Variants in TCF25 observed in about 807,000 individuals in gnomAD.
TCF25 encodes the protein ribosome quality control complex subunit TCF25.
Under a neutral mutation model 83.1 loss-of-function variants are expected in TCF25, and 41 were observed. The ratio of observed to expected loss-of-function variants is 0.49; its 90% CI spans 0.38 to 0.64. The LOEUF is 0.64. Ranked by LOEUF, TCF25 falls within the 30% of genes least tolerant of loss-of-function variation. TCF25 has a pLI of 0.00. For synonymous variants in TCF25, 458 were observed against 365.0 expected (o/e 1.25, Z -2.90); for missense variants, 979 against 914.5 (o/e 1.07, Z -0.91).
At chr16:89,907,904 A>C (rs1238981510) in intron 16 of TCF25, among the ~76,000 whole-genome samples, 6 of 28,918 alleles carry the variant, frequency 2.1e-4, no homozygotes, top group South Asian at 1.2e-3. Flanking sequence ...CCCGCCTCCC[A>C]CCTCCCAGCT....
At chr16:89,900,229 G>A (rs115664215) in intron 11 of TCF25, among the ~76,000 whole-genome samples, 4 of 150,724 alleles carry the variant, frequency 2.7e-5, no homozygotes, top group Non-Finnish European at 4.5e-5. Flanking sequence ...GGAAACTCGC[G>A]TGGCGGGCTG....
intron 5 of TCF25, among the ~76,000 whole-genome samples, chr16:89,891,498 C>A (rs1424288628): frequency 6.6e-6 from 1 of 152,214 alleles, no homozygotes; most frequent in Non-Finnish European, 1.5e-5. Flanking sequence ...TCTGTGCTGC[C>A]GCGGCTGCCA....
Position 89,884,564 on chromosome 16 carries a change from A to T in TCF25, c.355-18A>T. 6.2e-7 allele frequency: 1 copy of T among 1,611,738 alleles called. No homozygotes were observed. The highest frequency in any genetic ancestry group is 8.5e-7 in the Non-Finnish European group (1 of 1,178,540). On this transcript the variant is annotated intron_variant, in intron 2 of 17. Transcript: ENST00000263346. The stretch of plus-strand genomic sequence containing the variant: ...TTTACTTCTCATTCTACTGATGAAA[A>T]TGTGTTTCTATCATTAGTCTCATGC...
At chr16:89,885,165 A>G (rs2042912886) in intron 3 of TCF25, among the ~76,000 whole-genome samples, 1 of 152,046 alleles carries the variant, frequency 6.6e-6, no homozygotes, top group Non-Finnish European at 1.5e-5. Context: ...GGTGGTGTTG[A>G]AAGAAGCTTA....
chr16:89,878,327 G>C, intron 1 of TCF25: 1 of 752,928 alleles, frequency 1.3e-6, no homozygotes, highest in Non-Finnish European at 1.7e-6. Flanking sequence ...GGCTCATGCC[G>C]GTAATCCCAG....
intron 12 of TCF25, among the ~76,000 whole-genome samples, chr16:89,903,717 G>C (rs1006301924): frequency 6.6e-6 from 1 of 152,192 alleles, no homozygotes; most frequent in East Asian, 1.9e-4. Flanking sequence ...TGAGGCAGGA[G>C]AATCGCTTGA....
chr16:89,904,358 C>T (rs922853394), intron 13 of TCF25, 153 bp downstream of exon 13: 20 of 819,352 alleles, frequency 2.4e-5, no homozygotes, highest in African/African-American at 1.4e-4. Context: ...TGACATGGGA[C>T]GGCTCTGGAG....
rs918569474 is a variant in TCF25, at chr16:89,889,552, C to T, written c.614+1835C>T. 179 of 143,452 alleles carry T rather than the reference C, an allele frequency of 1.2e-3. 3 individuals carry two copies. Among genetic ancestry groups the T allele is most frequent in the Non-Finnish European group, 3.2e-4 (21 of 66,338 alleles). The allele number at this position is 143,452 out of a possible 1,614,324, so 8.9% of individuals were successfully genotyped here. On this transcript the variant is annotated intron_variant, in intron 5 of 17. Coordinates refer to ENST00000263346, the MANE Select transcript of TCF25 (RefSeq NM_014972.3). ...TGCCCTGGGTTTGCACGTCTGAGTT[C>T]TTTTTTTTTTTTTTCGAGACAGAAT...
intron 5 of TCF25, among the ~76,000 whole-genome samples, chr16:89,891,204 G>C (rs1199570770): frequency 1.3e-5 from 2 of 152,224 alleles, no homozygotes; most frequent in African/African-American, 4.8e-5. Context: ...TGTTCTGGAG[G>C]CTTCCTTACT....
At chr16:89,876,636 C>G (rs990717778) in intron 1 of TCF25, among the ~76,000 whole-genome samples, 2 of 150,612 alleles carry the variant, frequency 1.3e-5, no homozygotes, top group South Asian at 2.1e-4. Context: ...ACTAAGAATA[C>G]AAAAATTGGG....
chr16:89,883,809 C>G (rs2042780521), intron 2 of TCF25: 1 of 301,136 alleles, frequency 3.3e-6, no homozygotes, highest in Non-Finnish European at 6.1e-6. Context: ...CCTAGCCGAC[C>G]GCGCACGTGT....
intron 14 of TCF25, 154 bp from the exon 15 acceptor site, chr16:89,906,040 C>CCT (rs908191251): frequency 1.3e-5 from 9 of 675,010 alleles, no homozygotes; most frequent in Middle Eastern, 4.0e-4. Flanking sequence ...AGCCATGGTG[C>CCT]CTCTGCTCGA....
intron 1 of TCF25, among the ~76,000 whole-genome samples, chr16:89,877,328 C>G (rs1218009985): frequency 6.6e-6 from 1 of 152,022 alleles, no homozygotes; most frequent in African/African-American, 2.4e-5. Flanking sequence ...CTCAGCCTCC[C>G]AAGTAGGTGG....
Position 89,884,755 on chromosome 16 carries a change from TCTGACGCCCTCTCCCTCTGC to T in TCF25, c.429+159_429+178del, listed in dbSNP as rs1567701995. 374 of 812,390 alleles carry T rather than the reference TCTGACGCCCTCTCCCTCTGC, an allele frequency of 4.6e-4. 4 individuals carry two copies. The highest frequency in any genetic ancestry group is 1.7e-3 in the Middle Eastern group (6 of 3,436). 50.3% of individuals were successfully genotyped at this position (812,390 alleles called of 1,614,324 possible). On this transcript the variant is annotated intron_variant, in intron 3 of 17. Transcript: ENST00000263346. Reference sequence around the variant, plus strand: ...CTCTGCCTGACGCCCTCTCCCTCTGTCTGACGCCCTCTCCCTCTGCCTGACGCCCTCTCCCTCTGCCTGAC... The same window carrying T: ...CTCTGCCTGACGCCCTCTCCCTCTGTCTGACGCCCTCTCCCTCTGCCTGAC...
At chr16:89,898,962 C>T (rs2044106889) in intron 11 of TCF25, 90 bp downstream of exon 11, 6 of 1,269,564 alleles carry the variant, frequency 4.7e-6, no homozygotes, top group East Asian at 2.5e-5. Context: ...GCTCAGGGGA[C>T]GTTTGGGGAT....
Position 89,884,595 on chromosome 16 carries a change from G to A in TCF25, c.368G>A (p.Gly123Asp). Reference protein sequence around the residue: ...TVPSEQSHASGKLRKKKKKQK... With the variant: ...TVPSEQSHASDKLRKKKKKQK... ...TTCTATCATTAGTCTCATGCAAGTG[G>A]CAAACTCCGGAAGAAGAAAAAAAAA... Residue 123 changes from glycine to aspartate, a missense_variant, in exon 3 of 18, where the codon GGC becomes GAC. Transcript: ENST00000263346. 1 of 1,613,562 alleles carries A rather than the reference G, an allele frequency of 6.2e-7. No individual in the cohort carries two copies. The highest frequency in any genetic ancestry group is 8.5e-7 in the Non-Finnish European group (1 of 1,179,710).
intron 1 of TCF25, among the ~76,000 whole-genome samples, chr16:89,877,654 A>T: frequency 6.6e-6 from 1 of 152,216 alleles, no homozygotes; most frequent in Non-Finnish European, 1.5e-5. Flanking sequence ...AGGGGAATGC[A>T]CAGAATAGAG....
intron 3 of TCF25, among the ~76,000 whole-genome samples, chr16:89,885,022 G>GC (rs1265908918): frequency 9.2e-6 from 1 of 108,244 alleles, no homozygotes. Flanking sequence ...TCTGCCTGAC[G>GC]CCCTCTCCCT....
At chr16:89,888,645 AG>A (rs1355352408) in intron 5 of TCF25, among the ~76,000 whole-genome samples, 1 of 149,052 alleles carries the variant, frequency 6.7e-6, no homozygotes, top group East Asian at 2.0e-4. Flanking sequence ...TGTGAAGGTC[AG>A]GTTCTGAGAT....
Sources: allele counts gnomAD v4.1 joint callset (sites outside exome capture counted in the v4.1 genomes callset), GRCh38; gene constraint gnomAD v4.1.1; transcripts MANE v1.5; gene names NCBI Gene and HGNC (gene_info 2026-07-23, HGNC 2026-07-21).